Variants in MYO18B observed in about 807,000 individuals in gnomAD.
MYO18B encodes myosin XVIIIB, also known as unconventional myosin-XVIIIb.
MYO18B carries 204 observed loss-of-function variants against 273.0 expected under a neutral mutation model. The observed-to-expected ratio is 0.75, with a 90% CI of 0.67 to 0.84. The LOEUF (loss-of-function observed/expected upper bound fraction) is 0.84, where lower values mean the gene tolerates loss of function less well. MYO18B is among the 40% of genes least tolerant of loss of function. The probability of loss-of-function intolerance (pLI) is 0.00; values close to 1 mark genes in which losing one functional copy is unlikely to be tolerated. For synonymous variants in MYO18B, 1,330 were observed against 1,305.7 expected (o/e 1.02, Z -0.40); for missense variants, 3,212 against 3,287.6 (o/e 0.98, Z 0.56).
chr22:25,870,347 A>G (rs2091012019), intron 22 of MYO18B, among the ~76,000 whole-genome samples: 3 of 152,240 alleles, frequency 2.0e-5, no homozygotes, highest in Non-Finnish European at 4.4e-5. Flanking sequence ...GGCACAGCCT[A>G]TTGCTCCTAA....
At chr22:25,829,601 G>T in intron 15 of MYO18B, among the ~76,000 whole-genome samples, 1 of 151,870 alleles carries the variant, frequency 6.6e-6, no homozygotes, top group East Asian at 1.9e-4. Flanking sequence ...CACTTTGGGA[G>T]CCCGAGGCGG....
At chr22:25,861,373 G>A (rs2090731507) in intron 21 of MYO18B, among the ~76,000 whole-genome samples, 1 of 152,066 alleles carries the variant, frequency 6.6e-6, no homozygotes, top group African/African-American at 2.4e-5. Flanking sequence ...TTAACCCTTT[G>A]TTGCTATAAA....
intron 13 of MYO18B, among the ~76,000 whole-genome samples, chr22:25,824,081 G>A (rs1052529916): frequency 2.6e-5 from 4 of 152,158 alleles, no homozygotes; most frequent in Non-Finnish European, 5.9e-5. Flanking sequence ...AGAAGATGAG[G>A]GTGGAGAGCA....
chr22:25,760,287 C>T (rs2086261268), intron 1 of MYO18B, among the ~76,000 whole-genome samples: 1 of 151,782 alleles, frequency 6.6e-6, no homozygotes, highest in South Asian at 2.1e-4. Context: ...TGGTGGCATA[C>T]ACCTGTAATC....
At chr22:25,985,022 T>C (rs2093186199) in intron 39 of MYO18B, among the ~76,000 whole-genome samples, 2 of 152,186 alleles carry the variant, frequency 1.3e-5, no homozygotes, top group Non-Finnish European at 2.9e-5. Flanking sequence ...TTAGAAATTG[T>C]GAAGGCCCCA....
At chr22:25,904,006 G>GCT (rs2091989781) in intron 31 of MYO18B, among the ~76,000 whole-genome samples, 175 bp downstream of exon 31, 1 of 152,122 alleles carries the variant, frequency 6.6e-6, no homozygotes. Flanking sequence ...TCCTGATCCA[G>GCT]CTCTCCCCTG....
intron 42 of MYO18B, among the ~76,000 whole-genome samples, chr22:26,024,102 C>G (rs1936059050): frequency 6.6e-6 from 1 of 152,204 alleles, no homozygotes; most frequent in Non-Finnish European, 1.5e-5. Flanking sequence ...CTATGCATCC[C>G]TCTTTGAACT....
At chr22:26,045,793 G>A in the MYO18B span, among the ~76,000 whole-genome samples, 1 of 152,204 alleles carries the variant, frequency 6.6e-6, no homozygotes, top group Non-Finnish European at 1.5e-5. Flanking sequence ...TAGGTGAAAG[G>A]TCCCAGCGAA....
chr22:25,995,196 A>G (rs1933098961), intron 40 of MYO18B, among the ~76,000 whole-genome samples: 1 of 152,244 alleles, frequency 6.6e-6, no homozygotes, highest in African/African-American at 2.4e-5. Flanking sequence ...CAGAAAGAGA[A>G]ACATCGCATA....
chr22:26,033,108 C>G (rs1039139613), downstream of MYO18B, among the ~76,000 whole-genome samples: 1 of 152,128 alleles, frequency 6.6e-6, no homozygotes, highest in African/African-American at 2.4e-5. Flanking sequence ...TTATCAATGC[C>G]GGAGGGAACA....
At chr22:26,008,187 A>G (rs1306212135) in intron 42 of MYO18B, among the ~76,000 whole-genome samples, 6 of 152,312 alleles carry the variant, frequency 3.9e-5, no homozygotes, top group Non-Finnish European at 7.4e-5. Flanking sequence ...TTATTTAACT[A>G]TAGTGTCTTT....
chr22:25,952,345 C>T lies in MYO18B; in HGVS notation c.5892C>T (p.Ile1964=), dbSNP rs761196562. 6.8e-6 allele frequency: 11 copies of T among 1,612,106 alleles called. No homozygotes were observed. Among genetic ancestry groups the T allele is most frequent in the South Asian group, 2.2e-5 (2 of 90,460 alleles). ...YLEQSTVDRA[I]VSRQEAVICD... ...AACAGTCCACCGTGGATCGAGCCAT[C>T]GTCAGCAGGCAGGAGGCGGTCATCT... The change falls in exon 38 of 44, where the codon ATC becomes ATT. Residue 1964 remains isoleucine, a synonymous_variant. Transcript: ENST00000335473.
At chr22:25,934,329 A>ATGGGTC (rs2092549554) in intron 34 of MYO18B, among the ~76,000 whole-genome samples, 1 of 152,026 alleles carries the variant, frequency 6.6e-6, no homozygotes, top group Non-Finnish European at 1.5e-5. Flanking sequence ...GTCAGTGTTA[A>ATGGGTC]ACATCTTAGA....
At chr22:25,963,256 G>T (rs2092939843) in intron 39 of MYO18B, among the ~76,000 whole-genome samples, 3 of 150,222 alleles carry the variant, frequency 2.0e-5, no homozygotes, top group African/African-American at 7.4e-5. Context: ...TAAATTTCTA[G>T]GCTACCATAA....
At chr22:25,775,884 T>TAA (rs35877157) in intron 7 of MYO18B, among the ~76,000 whole-genome samples, 200 of 147,564 alleles carry the variant, frequency 1.4e-3, no homozygotes, top group African/African-American at 2.5e-3. Flanking sequence ...AGCAGGGACT[T>TAA]AAAAAAAAAA....
downstream of MYO18B, among the ~76,000 whole-genome samples, chr22:26,035,989 C>T (rs1936770336): frequency 6.6e-6 from 1 of 152,200 alleles, no homozygotes; most frequent in Non-Finnish European, 1.5e-5. Flanking sequence ...TGTTTCAAGG[C>T]CCCTGGCTCT....
the MYO18B span, among the ~76,000 whole-genome samples, chr22:26,060,439 C>G: frequency 6.6e-6 from 1 of 152,232 alleles, no homozygotes; most frequent in Non-Finnish European, 1.5e-5. Flanking sequence ...TTTCCCTGCT[C>G]TGTTCTGCAA....
intron 34 of MYO18B, among the ~76,000 whole-genome samples, chr22:25,924,395 G>A (rs1207927855): frequency 6.6e-6 from 1 of 152,242 alleles, no homozygotes; most frequent in Non-Finnish European, 1.5e-5. Context: ...GTCAGGCAGT[G>A]TGCTGGATAT....
Position 25,763,225 on chromosome 22 carries a change from A to G in MYO18B, c.40-6A>G. 3.1e-6 allele frequency: 5 copies of G among 1,608,200 alleles called. No homozygotes were observed. Among genetic ancestry groups the G allele is most frequent in the Non-Finnish European group, 4.3e-6 (5 of 1,175,904 alleles). On this transcript the variant is annotated splice_polypyrimidine_tract_variant and splice_region_variant and intron_variant, in intron 2 of 43. Coordinates refer to ENST00000335473, the MANE Select transcript of MYO18B (RefSeq NM_032608.7). ...AGCTCTCTCTTTCCTTGCTTCTGCA[A>G]AACAGATTCGGGAAGAGGACAAGAG...
Sources: gnomAD v4.1 joint callset for allele counts (sites outside exome capture counted in the v4.1 genomes callset) on GRCh38, gnomAD v4.1.1 for gene constraint, MANE v1.5 for transcripts, NCBI Gene and HGNC (gene_info 2026-07-23, HGNC 2026-07-21) for gene names.